The following TTLL11 variants were observed in gnomAD, a reference collection of about 807,000 sequenced individuals.
TTLL11 encodes the protein tubulin polyglutamylase TTLL11.
Under a neutral mutation model 51.7 loss-of-function variants are expected in TTLL11, and 42 were observed. The observed-to-expected ratio is 0.81, with a 90% CI of 0.64 to 1.05. TTLL11 has a LOEUF of 1.05. Ranked by LOEUF, TTLL11 falls within the 50% of genes least tolerant of loss-of-function variation. TTLL11 has a pLI of 0.00. For missense variants in TTLL11, 799 were observed against 940.4 expected, an observed-to-expected ratio of 0.85 and a Z score of 1.97; for synonymous variants, 381 against 383.5, an observed-to-expected ratio of 0.99 and a Z score of 0.08.
At chr9:121,929,648 G>C (rs933470391) in intron 6 of TTLL11, among the ~76,000 whole-genome samples, 9 of 152,194 alleles carry the variant, frequency 5.9e-5, no homozygotes, top group African/African-American at 1.9e-4. Context: ...CTCTGTGCAG[G>C]GGTCTTGTGC....
chr9:121,826,660 C>T (rs1264803423), intron 8 of TTLL11, among the ~76,000 whole-genome samples: 2 of 149,888 alleles, frequency 1.3e-5, no homozygotes, highest in Non-Finnish European at 3.0e-5. Context: ...TGCTTCTGCA[C>T]CTTATTCCCA....
chr9:122,065,915 G>A (rs985189341), intron 1 of TTLL11, among the ~76,000 whole-genome samples: 6 of 152,180 alleles, frequency 3.9e-5, no homozygotes, highest in African/African-American at 1.2e-4. Context: ...CTTAAAAAGA[G>A]ACACTCACAG....
At chr9:122,045,062 C>T (rs957124710) in intron 1 of TTLL11, among the ~76,000 whole-genome samples, 6 of 151,864 alleles carry the variant, frequency 4.0e-5, no homozygotes, top group Non-Finnish European at 7.4e-5. Flanking sequence ...ACTATGATTG[C>T]ACCACTGCTC....
At chr9:121,944,594 A>G (rs1329259176) in intron 6 of TTLL11, among the ~76,000 whole-genome samples, 2 of 152,208 alleles carry the variant, frequency 1.3e-5, no homozygotes, top group Non-Finnish European at 2.9e-5. Flanking sequence ...CTTAAGCTAT[A>G]TTTTCAAATT....
At chr9:122,075,631 C>T (rs1845840550) in intron 1 of TTLL11, among the ~76,000 whole-genome samples, 2 of 152,112 alleles carry the variant, frequency 1.3e-5, no homozygotes, top group South Asian at 4.1e-4. Context: ...TTGCAACCTG[C>T]CTAGAGAGTC....
Position 121,845,059 on chromosome 9 carries a change from A to C in TTLL11, c.1840+15278T>G, listed in dbSNP as rs186165549. ...GGACAAATAACAAAAATCTACACCT[A>C]GAGAAAATCATATTTAAACTGTAGA... is the stretch of plus-strand genomic sequence containing the variant. On this transcript the variant is annotated intron_variant, in intron 8 of 8. Transcript: ENST00000321582. 3.2e-3 allele frequency among the ~76,000 whole-genome samples: 483 copies of C among 152,282 alleles called. 5 individuals are homozygous for C. Among genetic ancestry groups the C allele is most frequent in the African/African-American group, 0.011 (458 of 41,578 alleles).
chr9:122,061,740 C>T (rs558528371), intron 1 of TTLL11, among the ~76,000 whole-genome samples: 77 of 152,138 alleles, frequency 5.1e-4, no homozygotes, highest in Non-Finnish European at 9.1e-4. Context: ...TGGGTTAAAG[C>T]GATTCTCTTG....
chr9:121,894,586 A>G (rs1183935227), intron 6 of TTLL11, among the ~76,000 whole-genome samples: 2 of 152,242 alleles, frequency 1.3e-5, no homozygotes, highest in East Asian at 3.8e-4. Flanking sequence ...GGAAGAGTTC[A>G]TGTCCTTTGC....
chr9:122,007,100 G>C (rs1052169213), intron 3 of TTLL11, among the ~76,000 whole-genome samples: 1 of 151,480 alleles, frequency 6.6e-6, no homozygotes, highest in African/African-American at 2.4e-5. Flanking sequence ...TTCATTTCAG[G>C]ATACTAAACA....
rs1240750539 is a variant in TTLL11 at position 121,919,782 on chromosome 9, G to C, written c.1482-49034C>G. 2.0e-5 allele frequency among the ~76,000 whole-genome samples: 3 copies of C among 150,270 alleles called. No homozygotes were observed. The South Asian group carries it at 6.3e-4, about 32-fold the overall frequency. The stretch of plus-strand genomic sequence containing the variant: ...ATCCCAGCATCTTGGGAGTCTGAGA[G>C]GGAAGGATCACTTGAGGCCAGGAGT... On this transcript the variant is annotated intron_variant, in intron 6 of 8. Coordinates refer to ENST00000321582, the MANE Select transcript of TTLL11 (RefSeq NM_001139442.2).
intron 6 of TTLL11, among the ~76,000 whole-genome samples, chr9:121,883,883 G>A (rs532707039): frequency 2.6e-5 from 4 of 152,262 alleles, no homozygotes; most frequent in South Asian, 2.1e-4. Context: ...GATGAATCAC[G>A]CAGGCCTGGG....
chr9:122,022,462 A>T (rs1844210454), intron 3 of TTLL11, among the ~76,000 whole-genome samples: 3 of 152,070 alleles, frequency 2.0e-5, no homozygotes, highest in Admixed American at 2.0e-4. Context: ...CAATATAAGC[A>T]AGAAGACAGA....
chr9:122,031,998 C>A, intron 2 of TTLL11, 142 bp from the exon 3 acceptor site: 1 of 1,143,992 alleles, frequency 8.7e-7, no homozygotes, highest in East Asian at 2.6e-5. Context: ...GAGTTGTTCC[C>A]CACAGCGGTG....
chr9:121,958,533 C>T (rs1278650065), intron 6 of TTLL11, among the ~76,000 whole-genome samples: 1 of 152,184 alleles, frequency 6.6e-6, no homozygotes, highest in Non-Finnish European at 1.5e-5. Flanking sequence ...CTTCTGGGGA[C>T]AGATTCCAGT....
chr9:121,901,438 G>T (rs544201000), intron 6 of TTLL11, among the ~76,000 whole-genome samples: 1 of 152,194 alleles, frequency 6.6e-6, no homozygotes, highest in Non-Finnish European at 1.5e-5. Context: ...GAAGAACTGT[G>T]TTTGCTTCTG....
At chr9:121,886,776 T>C (rs1433206933) in intron 6 of TTLL11, among the ~76,000 whole-genome samples, 1 of 152,198 alleles carries the variant, frequency 6.6e-6, no homozygotes, top group Non-Finnish European at 1.5e-5. Context: ...TGGTGCACAG[T>C]AGGCCCTCAA....
At chr9:121,936,120 A>T (rs1271388836) in intron 6 of TTLL11, among the ~76,000 whole-genome samples, 4 of 152,196 alleles carry the variant, frequency 2.6e-5, no homozygotes, top group Admixed American at 1.3e-4. Flanking sequence ...GATGAGAGGA[A>T]GGAGAGAGGA....
intron 1 of TTLL11, among the ~76,000 whole-genome samples, chr9:122,045,061 G>A (rs995982347): frequency 1.3e-5 from 2 of 151,804 alleles, no homozygotes; most frequent in Admixed American, 6.6e-5. Flanking sequence ...AACTATGATT[G>A]CACCACTGCT....
At chr9:122,057,831 C>T (rs1845332311) in intron 1 of TTLL11, among the ~76,000 whole-genome samples, 1 of 152,186 alleles carries the variant, frequency 6.6e-6, no homozygotes. Flanking sequence ...CCTCCACCCT[C>T]CTACAGACCT....
Sources: gnomAD v4.1 joint callset for allele counts (sites outside exome capture counted in the v4.1 genomes callset) on GRCh38, gnomAD v4.1.1 for gene constraint, MANE v1.5 for transcripts, NCBI Gene and HGNC (gene_info 2026-07-23, HGNC 2026-07-21) for gene names.